The following SDR42E1 variants were observed in gnomAD, a reference collection of about 807,000 sequenced individuals.
The protein encoded by SDR42E1 is short chain dehydrogenase/reductase family 42E, member 1.
Under a neutral mutation model 2.6 loss-of-function variants are expected in SDR42E1, and 5 were observed. The ratio of observed to expected loss-of-function variants is 1.94; its 90% CI spans 1.01 to 4.08. The LOEUF (loss-of-function observed/expected upper bound fraction) is 4.08, where lower values mean the gene tolerates loss of function less well. Ranked by LOEUF, SDR42E1 falls within the 30% of genes most tolerant of loss-of-function variation. The probability of loss-of-function intolerance (pLI) is 0.00; values close to 1 mark genes in which losing one functional copy is unlikely to be tolerated. For missense variants in SDR42E1, 596 were observed against 478.6 expected (o/e 1.25, Z -2.29); for synonymous variants, 231 against 188.3 (o/e 1.23, Z -1.86).
Position 81,999,868 on chromosome 16 carries a change from T to C in SDR42E1, c.425A>G (p.Tyr142Cys), listed in dbSNP as rs547630443. 36 of 1,614,046 alleles carry C rather than the reference T, an allele frequency of 2.2e-5. No homozygotes were observed. In the East Asian group the frequency reaches 2.9e-4, roughly 13 times the overall value. ...VIRNGDESLP[Y>C]LPLHLHPDHY... ...ATCAGGGTGGAGGTGAAGAGGCAGG[T>C]AGGGCAGAGATTCATCCCCATTTCT... The change falls in exon 3 of 3, where the codon TAC (tyrosine) becomes TGC (cysteine). Residue 142 changes from tyrosine (Y) to cysteine (C), a missense_variant. Physicochemically the swap from Tyr to Cys is radical, Grantham distance 194. Coordinates refer to ENST00000328945, the MANE Select transcript of SDR42E1 (RefSeq NM_145168.3).
In SDR42E1 at chr16:81,998,154, ATCT is replaced by A. The variant is rs998194319; in HGVS notation, c.*954_*956del. The A allele has an allele frequency of 1.3e-5, 2 of 152,314 alleles. No individual in the cohort carries two copies. The highest frequency in any genetic ancestry group is 2.1e-4 in the South Asian group (1 of 4,822). 9.4% of individuals were successfully genotyped at this position (152,314 alleles called of 1,614,324 possible). ...ATTGGAAGCTGTCTTCAGAGAGCCAATCTTCTTCCCAGTAAGAAAACCCATCTA... is the reference window on the plus strand; with the variant it reads ...ATTGGAAGCTGTCTTCAGAGAGCCAATCTTCCCAGTAAGAAAACCCATCTA... On this transcript the variant is annotated 3_prime_UTR_variant, in exon 3 of 3. Coordinates refer to ENST00000328945, the MANE Select transcript of SDR42E1 (RefSeq NM_145168.3).
rs1195087102 is a variant in SDR42E1 at position 81,995,196 on chromosome 16, C to G, written c.*3915G>C. ...CATCAATCATATGGATAACCTCCCACACACTCCTCAGAAGCCATGGGTGAG... is the reference window on the plus strand; with the variant it reads ...CATCAATCATATGGATAACCTCCCAGACACTCCTCAGAAGCCATGGGTGAG... On this transcript the variant is annotated 3_prime_UTR_variant, in exon 3 of 3. Transcript: ENST00000328945. The G allele has an allele frequency of 1.3e-5, 2 of 152,314 alleles. No individual in the cohort carries two copies. Among genetic ancestry groups the G allele is most frequent in the East Asian group, 1.9e-4 (1 of 5,200 alleles). The allele number at this position is 152,314 out of a possible 1,614,324, so 9.4% of individuals were successfully genotyped here.
rs964525531 is a variant in SDR42E1, at chr16:81,992,454, G to C, written c.*6657C>G. ...TATCTATTCAGGACACTAACTCCTA[G>C]TGACTGTTAAGAGCAAAAGACGACT... On this transcript the variant is annotated 3_prime_UTR_variant, in exon 3 of 3. Transcript: ENST00000328945. The C allele has an allele frequency of 2.0e-5, 3 of 152,100 alleles. No individual in the cohort carries two copies. Among genetic ancestry groups the C allele is most frequent in the African/African-American group, 7.2e-5 (3 of 41,418 alleles). 9.4% of individuals were successfully genotyped at this position (152,100 alleles called of 1,614,324 possible). A position where few individuals can be genotyped will look rare whatever the true frequency, so the allele number is the denominator to read the frequency against.
chr16:82,006,248 T>G (rs1912930051), intron 1 of SDR42E1, among the ~76,000 whole-genome samples: 1 of 152,216 alleles, frequency 6.6e-6, no homozygotes, highest in Non-Finnish European at 1.5e-5. Context: ...TATAACCCCA[T>G]GATTACGTGT....
rs1334406723 is a variant in SDR42E1 at position 81,994,207 on chromosome 16, T to G, written c.*4904A>C. 1 of 152,204 alleles carries G rather than the reference T, an allele frequency of 6.6e-6. No individual in the cohort carries two copies. The highest frequency in any genetic ancestry group is 2.4e-5 in the African/African-American group (1 of 41,434). 9.4% of individuals were successfully genotyped at this position (152,204 alleles called of 1,614,324 possible). On this transcript the variant is annotated 3_prime_UTR_variant, in exon 3 of 3. Transcript: ENST00000328945. ...CGCAGGCAGCGTTACGGAACCCCAG[T>G]GTAGTCACCAGGACCTCCTCCCTCT...
rs150603116 is a variant in SDR42E1, at chr16:81,991,944, A to T, written c.*7167T>A. Reference sequence around the variant, plus strand: ...AGCCTCAGGTGGATCACCTGAAGTCAGGAGTTTGAGACCAGCCTGGCCAAC... The same window carrying T: ...AGCCTCAGGTGGATCACCTGAAGTCTGGAGTTTGAGACCAGCCTGGCCAAC... On this transcript the variant is annotated 3_prime_UTR_variant, in exon 3 of 3. Transcript: ENST00000328945. 3 of 152,316 alleles carry T rather than the reference A, an allele frequency of 2.0e-5. No homozygotes were observed. Among genetic ancestry groups the T allele is most frequent in the African/African-American group, 7.2e-5 (3 of 41,560 alleles). The allele number at this position is 152,316 out of a possible 1,614,324, so 9.4% of individuals were successfully genotyped here. A position where few individuals can be genotyped will look rare whatever the true frequency, so the allele number is the denominator to read the frequency against.
rs542556445 is a variant in SDR42E1, at chr16:81,993,362, T to C, written c.*5749A>G. On this transcript the variant is annotated 3_prime_UTR_variant, in exon 3 of 3. Coordinates refer to ENST00000328945, the MANE Select transcript of SDR42E1 (RefSeq NM_145168.3). Reference sequence around the variant, plus strand: ...TGCAGATTACCAACCAACACAGACTTTCTCAATCAGAAGCATCAGGGAAGA... The same window carrying C: ...TGCAGATTACCAACCAACACAGACTCTCTCAATCAGAAGCATCAGGGAAGA... The C allele has an allele frequency of 2.3e-4, 35 of 152,272 alleles. No homozygotes were observed. Among genetic ancestry groups the C allele is most frequent in the African/African-American group, 8.4e-4 (35 of 41,548 alleles). The allele number at this position is 152,272 out of a possible 1,614,324, so 9.4% of individuals were successfully genotyped here.
At chr16:82,000,993 G>A (rs1912740090) in intron 1 of SDR42E1, 109 bp from the exon 2 acceptor site, 1 of 666,122 alleles carries the variant, frequency 1.5e-6, no homozygotes, top group Admixed American at 2.8e-5. Context: ...AGAATGAAAA[G>A]GTGAGGTCTG....
chr16:81,993,746 C>T lies in SDR42E1; in HGVS notation c.*5365G>A, dbSNP rs761776048. On this transcript the variant is annotated 3_prime_UTR_variant, in exon 3 of 3. Transcript: ENST00000328945. ...GTAGAAAAAACAGACATGGTTCCTG[C>T]TCTCATGGGGCGTTTATGTTCTGGG... 1 of 152,192 alleles carries T rather than the reference C, an allele frequency of 6.6e-6. No individual in the cohort carries two copies. Among genetic ancestry groups the T allele is most frequent in the Non-Finnish European group, 1.5e-5 (1 of 68,048 alleles). The allele number at this position is 152,192 out of a possible 1,614,324, so 9.4% of individuals were successfully genotyped here.
chr16:81,999,625 A>G lies in SDR42E1; in HGVS notation c.668T>C (p.Val223Ala). ...AGCCTGCACCAAGTTATCCACGTGG[A>G]CAAACTCAACCAGGCTCCTGGGGTC... is the stretch of plus-strand genomic sequence containing the variant. ...YGDPRSLVEFVHVDNLVQAHI... is the reference protein window; with the variant it reads ...YGDPRSLVEFAHVDNLVQAHI... Residue 223 changes from valine to alanine, a missense_variant, in exon 3 of 3, where the codon GTC becomes GCC. Val to Ala is a moderately conservative substitution (Grantham distance 64). Coordinates refer to ENST00000328945, the MANE Select transcript of SDR42E1 (RefSeq NM_145168.3). 9 of 1,614,170 alleles carry G rather than the reference A, an allele frequency of 5.6e-6. No individual in the cohort carries two copies. Among genetic ancestry groups the G allele is most frequent in the Non-Finnish European group, 6.8e-6 (8 of 1,180,034 alleles).
intron 1 of SDR42E1, chr16:82,007,991 G>A (rs1208784897): frequency 6.6e-6 from 1 of 152,284 alleles, no homozygotes; most frequent in African/African-American, 2.4e-5. Context: ...TAAATCCCAC[G>A]TGTCCTGGAG....
In SDR42E1 at chr16:82,000,140, G is replaced by A; in HGVS notation, c.153C>T (p.Ile51=). 1 of 1,614,196 alleles carries A rather than the reference G, an allele frequency of 6.2e-7. No homozygotes were observed. The highest frequency in any genetic ancestry group is 8.5e-7 in the Non-Finnish European group (1 of 1,180,042). The part of the protein sequence containing the change: ...SSPAQTIPEG[I]KFIQGDIRHL... The stretch of plus-strand genomic sequence containing the variant: ...GGCGGATGTCTCCTTGTATAAACTT[G>A]ATTCCTTCTGGAATGGTTTGAGCAG... The change falls in exon 3 of 3, where the codon ATC becomes ATT. Residue 51 remains isoleucine (I), a synonymous_variant. Coordinates refer to ENST00000328945, the MANE Select transcript of SDR42E1 (RefSeq NM_145168.3).
At chr16:82,005,464 C>T (rs1438382806) in intron 1 of SDR42E1, among the ~76,000 whole-genome samples, 3 of 152,214 alleles carry the variant, frequency 2.0e-5, no homozygotes, top group Non-Finnish European at 4.4e-5. Flanking sequence ...GAGCCGCCTC[C>T]TCCCTTCCTG....
In SDR42E1 at chr16:82,010,475, C is replaced by T. The variant is rs150865742; in HGVS notation, c.-27+912G>A. Reference sequence around the variant, plus strand: ...AATAAATCTTGGGGTCCCAAGATCACTAAGCTAAAGGGAAAAGTCAAGCTG... The same window carrying T: ...AATAAATCTTGGGGTCCCAAGATCATTAAGCTAAAGGGAAAAGTCAAGCTG... On this transcript the variant is annotated intron_variant, in intron 1 of 2. Transcript: ENST00000328945. 4.6e-5 allele frequency among the ~76,000 whole-genome samples: 7 copies of T among 152,278 alleles called. No individual in the cohort carries two copies. In the East Asian group the frequency reaches 1.4e-3, roughly 29 times the overall value.
At position 81,999,902 on chromosome 16, in the gene SDR42E1, G is replaced by C; in HGVS notation, c.391C>G (p.Gln131Glu). ...TSTFNVIFGGQVIRNGDESLP... is the reference protein window; with the variant it reads ...TSTFNVIFGGEVIRNGDESLP... The stretch of plus-strand genomic sequence containing the variant: ...GATTCATCCCCATTTCTGATAACTT[G>C]ACCTCCAAAGATGACATTGAAAGTG... Residue 131 changes from glutamine (Q) to glutamate (E), a missense_variant, in exon 3 of 3, where the codon CAA becomes GAA. Transcript: ENST00000328945. The C allele has an allele frequency of 6.2e-7, 1 of 1,614,168 alleles. No homozygotes were observed. The highest frequency in any genetic ancestry group is 8.5e-7 in the Non-Finnish European group (1 of 1,180,040).
chr16:81,999,817 G>A lies in SDR42E1; in HGVS notation c.476C>T (p.Ala159Val), dbSNP rs1912683761. 1 of 1,614,192 alleles carries A rather than the reference G, an allele frequency of 6.2e-7. No individual in the cohort carries two copies. Among genetic ancestry groups the A allele is most frequent in the Non-Finnish European group, 8.5e-7 (1 of 1,180,032 alleles). ...ATTCGCCTCCAGCACCTTCTGCTCT[G>A]CAATTGACTTTGTCCGAGAGTAGTG... ...PDHYSRTKSI[A>V]EQKVLEANAT... Residue 159 changes from alanine to valine, a missense_variant, in exon 3 of 3, where the codon GCA becomes GTA. Coordinates refer to ENST00000328945, the MANE Select transcript of SDR42E1 (RefSeq NM_145168.3).
In SDR42E1 at chr16:81,989,449, C is replaced by A. The variant is rs568770257; in HGVS notation, c.*9662G>T. ...ATTATATAAGAAAAATACATCTATG[C>A]ATTATTTGTATAGTTACTTTTAAAT... On this transcript the variant is annotated 3_prime_UTR_variant, in exon 3 of 3. Transcript: ENST00000328945. The A allele has an allele frequency of 6.6e-6, 1 of 152,284 alleles. No homozygotes were observed. Among genetic ancestry groups the A allele is most frequent in the Admixed American group, 6.5e-5 (1 of 15,298 alleles). 9.4% of individuals were successfully genotyped at this position (152,284 alleles called of 1,614,324 possible).
chr16:82,010,408 T>C (rs865959607), intron 1 of SDR42E1, among the ~76,000 whole-genome samples: 1 of 152,028 alleles, frequency 6.6e-6, no homozygotes, highest in Non-Finnish European at 1.5e-5. Flanking sequence ...GCTGGGACAA[T>C]ACAGATTCGC....
At chr16:82,002,532 C>T (rs1912803043) in intron 1 of SDR42E1, among the ~76,000 whole-genome samples, 2 of 152,272 alleles carry the variant, frequency 1.3e-5, no homozygotes, top group African/African-American at 4.8e-5. Flanking sequence ...AATAATCTTA[C>T]TAGGAAAGTA....
Sources: gnomAD v4.1 joint callset for allele counts (sites outside exome capture counted in the v4.1 genomes callset) on GRCh38, gnomAD v4.1.1 for gene constraint, MANE v1.5 for transcripts, NCBI Gene and HGNC (gene_info 2026-07-23, HGNC 2026-07-21) for gene names.